The following ZNF366 variants were observed in gnomAD, a reference collection of about 807,000 sequenced individuals.
ZNF366 encodes dendritic cell-specific transcript protein.
In ZNF366, 20 loss-of-function variants were observed where a neutral mutation model predicts 47.2. That is an observed-to-expected ratio of 0.42 (90% confidence interval 0.30 to 0.62). The LOEUF (loss-of-function observed/expected upper bound fraction) is 0.62, where lower values mean the gene tolerates loss of function less well. Among genes scored for constraint, ZNF366 ranks in the 20% least tolerant of loss-of-function variants. The pLI is 0.16. For synonymous variants in ZNF366, 421 were observed against 395.1 expected (o/e 1.07, Z -0.78); for missense variants, 987 against 976.3 (o/e 1.01, Z -0.15).
At chr5:72,462,547 C>CTTTCTTTCTTCTTTCTTTCTTTCT (rs11275151) in intron 1 of ZNF366, among the ~76,000 whole-genome samples, 1 of 78,916 alleles carries the variant, frequency 1.3e-5, no homozygotes, top group Non-Finnish European at 2.2e-5. Flanking sequence ...TTCTTTCTTT[C>CTTTCTTTCTTCTTTCTTTCTTTCT]TTTTTTTTTT....
At chr5:72,446,381 T>C (rs2112314669) in intron 4 of ZNF366, among the ~76,000 whole-genome samples, 1 of 152,354 alleles carries the variant, frequency 6.6e-6, no homozygotes, top group Non-Finnish European at 1.5e-5. Context: ...GGGCAGATGG[T>C]CTCCTTCCCC....
chr5:72,479,505 T>C (rs1193249614), intron 1 of ZNF366, among the ~76,000 whole-genome samples: 4 of 152,048 alleles, frequency 2.6e-5, no homozygotes, highest in Admixed American at 2.6e-4. Flanking sequence ...CCAAAAAAAT[T>C]TTTTTCAACA....
intron 1 of ZNF366, among the ~76,000 whole-genome samples, chr5:72,471,662 C>T (rs1743567832): frequency 6.6e-6 from 1 of 152,170 alleles, no homozygotes; most frequent in African/African-American, 2.4e-5. Context: ...ACTTTTGCAA[C>T]TTATACTTCT....
chr5:72,498,115 C>T (rs758113569), intron 1 of ZNF366, among the ~76,000 whole-genome samples: 34 of 151,952 alleles, frequency 2.2e-4, no homozygotes, highest in Non-Finnish European at 4.3e-4. Flanking sequence ...AAAGGCCCTT[C>T]CTACTCTGCG....
At chr5:72,449,564 T>C (rs10942299) in intron 3 of ZNF366, among the ~76,000 whole-genome samples, 22,394 of 152,252 alleles carry the variant, frequency 0.15, 1,888 homozygotes, top group East Asian at 0.38. Context: ...CTAGAGATTC[T>C]ACATTAGGGA....
chr5:72,446,277 G>A (rs1414944390), intron 4 of ZNF366, among the ~76,000 whole-genome samples: 1 of 152,214 alleles, frequency 6.6e-6, no homozygotes, highest in Non-Finnish European at 1.5e-5. Context: ...GTAGGGCCAA[G>A]CAATAATGTC....
intron 3 of ZNF366, among the ~76,000 whole-genome samples, chr5:72,456,005 T>C (rs1743173360): frequency 6.6e-6 from 1 of 152,162 alleles, no homozygotes. Context: ...CTCTGACTCT[T>C]TTCTATGTCC....
At chr5:72,502,456 A>G (rs1016232074) in intron 1 of ZNF366, among the ~76,000 whole-genome samples, 9 of 152,200 alleles carry the variant, frequency 5.9e-5, no homozygotes, top group Admixed American at 3.3e-4. Context: ...TTCATTATCC[A>G]TATAAACATA....
chr5:72,486,609 T>C (rs1173494134), intron 1 of ZNF366, among the ~76,000 whole-genome samples: 1 of 152,116 alleles, frequency 6.6e-6, no homozygotes, highest in African/African-American at 2.4e-5. Flanking sequence ...GTGCATCCCA[T>C]GTGTACAGGA....
intron 1 of ZNF366, among the ~76,000 whole-genome samples, chr5:72,478,980 C>T (rs1398843271): frequency 6.6e-6 from 1 of 152,246 alleles, no homozygotes; most frequent in East Asian, 1.9e-4. Context: ...CCCTGCCTCC[C>T]TCCCTGTTTT....
intron 1 of ZNF366, among the ~76,000 whole-genome samples, chr5:72,500,302 A>C (rs1255222613): frequency 6.6e-6 from 1 of 152,006 alleles, no homozygotes; most frequent in Non-Finnish European, 1.5e-5. Flanking sequence ...AAAAAGCTAA[A>C]CTATTTTTTA....
chr5:72,478,909 G>A lies in ZNF366; in HGVS notation c.-14-17399C>T, dbSNP rs184550555. On this transcript the variant is annotated intron_variant, in intron 1 of 4. Transcript: ENST00000318442. ...GCCCAGGAACTTGGAAAAGGTTACA[G>A]AATAGTCATTCAATTTCTACTCACA... is the stretch of plus-strand genomic sequence containing the variant. Among the ~76,000 whole-genome samples, 111 of 152,306 alleles carry A rather than the reference G, an allele frequency of 7.3e-4. 1 individual carries two copies. The highest frequency in any genetic ancestry group is 1.5e-5 in the Non-Finnish European group (1 of 68,026).
Position 72,460,818 on chromosome 5 carries a change from G to C in ZNF366, c.679C>G (p.Gln227Glu), listed in dbSNP as rs746717150. The part of the protein sequence containing the change: ...AEPQESEETK[Q>E]KVERVDVNVQ... ...TTCACGTCCACCCTCTCCACCTTCT[G>C]CTTGGTCTCCTCGCTCTCCTGGGGC... is the stretch of plus-strand genomic sequence containing the variant. Residue 227 changes from glutamine to glutamate, a missense_variant, in exon 2 of 5, where the codon CAG (glutamine) becomes GAG (glutamate). Physicochemically the swap from Gln to Glu is conservative, Grantham distance 29. Coordinates refer to ENST00000318442, the MANE Select transcript of ZNF366 (RefSeq NM_152625.3). 6.2e-7 allele frequency: 1 copy of C among 1,614,070 alleles called. No homozygotes were observed. The highest frequency in any genetic ancestry group is 8.5e-7 in the Non-Finnish European group (1 of 1,179,980).
At chr5:72,451,297 T>A (rs1280357125) in intron 3 of ZNF366, among the ~76,000 whole-genome samples, 6 of 152,228 alleles carry the variant, frequency 3.9e-5, no homozygotes, top group Admixed American at 3.9e-4. Context: ...AGCTTCTCCA[T>A]CCACCCGCTT....
At chr5:72,477,234 C>T (rs953306968) in intron 1 of ZNF366, among the ~76,000 whole-genome samples, 2 of 152,204 alleles carry the variant, frequency 1.3e-5, no homozygotes, top group African/African-American at 2.4e-5. Flanking sequence ...GCAGCTGGTA[C>T]TCTTGACATT....
At chr5:72,445,754 C>T (rs776710479) in intron 4 of ZNF366, among the ~76,000 whole-genome samples, 8 of 152,164 alleles carry the variant, frequency 5.3e-5, no homozygotes, top group Non-Finnish European at 8.8e-5. Flanking sequence ...CAAACCTCAC[C>T]GCTTCCGGAA....
At chr5:72,450,942 C>T (rs1309941550) in intron 3 of ZNF366, among the ~76,000 whole-genome samples, 1 of 152,124 alleles carries the variant, frequency 6.6e-6, no homozygotes, top group African/African-American at 2.4e-5. Context: ...GAGCCCCAAG[C>T]AGAATTGTCA....
chr5:72,503,124 C>CA (rs34973557), intron 1 of ZNF366, among the ~76,000 whole-genome samples: 30 of 148,402 alleles, frequency 2.0e-4, no homozygotes, highest in East Asian at 1.4e-3. Flanking sequence ...GACTCTGTCT[C>CA]AAAAAAAAAG....
At chr5:72,448,406 T>A (rs1332636998) in intron 3 of ZNF366, among the ~76,000 whole-genome samples, 1 of 152,218 alleles carries the variant, frequency 6.6e-6, no homozygotes, top group African/African-American at 2.4e-5. Context: ...ATTTTGTATA[T>A]GCAGAAAGCG....
Sources: gnomAD v4.1 joint callset for allele counts (sites outside exome capture counted in the v4.1 genomes callset) on GRCh38, gnomAD v4.1.1 for gene constraint, MANE v1.5 for transcripts, NCBI Gene and HGNC (gene_info 2026-07-23, HGNC 2026-07-21) for gene names.